IMMP2L: variants seen among roughly 807,000 people sequenced by gnomAD.
IMMP2L encodes mitochondrial inner membrane protease subunit 2.
Under a neutral mutation model 19.3 loss-of-function variants are expected in IMMP2L, and 18 were observed. The ratio of observed to expected loss-of-function variants is 0.93; its 90% confidence interval spans 0.64 to 1.38. The LOEUF (loss-of-function observed/expected upper bound fraction) is 1.38, where lower values mean the gene tolerates loss of function less well. IMMP2L is among the 40% of genes most tolerant of loss of function. The probability of loss-of-function intolerance (pLI) is 0.00; values close to 1 mark genes in which losing one functional copy is unlikely to be tolerated. For missense variants in IMMP2L, 233 were observed against 218.2 expected (o/e 1.07, Z -0.43); for synonymous variants, 76 against 73.0 (o/e 1.04, Z -0.21).
chr7:111,329,203 T>C (rs567962393), intron 3 of IMMP2L, among the ~76,000 whole-genome samples: 2 of 151,762 alleles, frequency 1.3e-5, no homozygotes, highest in African/African-American at 4.8e-5. Flanking sequence ...TCTAGGCAGC[T>C]GAAGCTGTGG....
At chr7:111,471,207 A>G (rs1267874808) in intron 3 of IMMP2L, among the ~76,000 whole-genome samples, 1 of 152,118 alleles carries the variant, frequency 6.6e-6, no homozygotes, top group Non-Finnish European at 1.5e-5. Context: ...CTTCCCAGAA[A>G]TATCTCTTTC....
chr7:111,516,626 C>T (rs965493239), intron 2 of IMMP2L, among the ~76,000 whole-genome samples: 1 of 151,972 alleles, frequency 6.6e-6, no homozygotes, highest in Non-Finnish European at 1.5e-5. Context: ...GAAAAATCCA[C>T]AAAGGGACAT....
intron 5 of IMMP2L, among the ~76,000 whole-genome samples, chr7:110,750,821 T>A (rs915075715): frequency 2.0e-5 from 3 of 151,990 alleles, no homozygotes; most frequent in Admixed American, 1.3e-4. Flanking sequence ...GCACCAAATT[T>A]AAGGAGGCAC....
chr7:111,111,298 G>GT (rs1330160701), intron 3 of IMMP2L, among the ~76,000 whole-genome samples: 2 of 100,762 alleles, frequency 2.0e-5, no homozygotes, highest in South Asian at 3.3e-4. Context: ...GGTAGCAGTT[G>GT]TAAAAAAAAA....
At chr7:110,681,106 G>A (rs1350933157) in intron 5 of IMMP2L, among the ~76,000 whole-genome samples, 2 of 151,784 alleles carry the variant, frequency 1.3e-5, no homozygotes, top group South Asian at 2.1e-4. Flanking sequence ...GTAGGCTGAT[G>A]TGGAAATACT....
chr7:111,106,934 TA>T (rs1167713808), intron 3 of IMMP2L, among the ~76,000 whole-genome samples: 2 of 151,946 alleles, frequency 1.3e-5, no homozygotes, highest in African/African-American at 4.8e-5. Context: ...ATTTGCTTAA[TA>T]GCATTTCTAA....
At chr7:110,681,361 T>G (rs1792703079) in intron 5 of IMMP2L, among the ~76,000 whole-genome samples, 2 of 152,218 alleles carry the variant, frequency 1.3e-5, no homozygotes, top group Middle Eastern at 3.4e-3. Context: ...TACACCTGCT[T>G]TTACCCTAGG....
intron 3 of IMMP2L, among the ~76,000 whole-genome samples, chr7:111,381,473 T>C (rs1039865979): frequency 1.3e-5 from 2 of 151,930 alleles, no homozygotes; most frequent in Non-Finnish European, 2.9e-5. Flanking sequence ...ATACCACCTG[T>C]TTATTTTTAT....
At chr7:111,145,288 G>A (rs1394334185) in intron 3 of IMMP2L, among the ~76,000 whole-genome samples, 1 of 152,100 alleles carries the variant, frequency 6.6e-6, no homozygotes, top group Non-Finnish European at 1.5e-5. Context: ...TGCCTCTGTA[G>A]AGAGGAACCA....
chr7:111,134,006 G>A lies in IMMP2L; in HGVS notation c.240-170441C>T, dbSNP rs150733960. Among the ~76,000 whole-genome samples the A allele has an allele frequency of 3.4e-3, 522 of 152,096 alleles. 3 individuals carry two copies. Among genetic ancestry groups the A allele is most frequent in the African/African-American group, 0.012 (494 of 41,538 alleles). ...ACTGTCTCCCCAAAGGACAAATAAA[G>A]GAAAGAGAGCCTAAGTATTCTGGGT... is the stretch of plus-strand genomic sequence containing the variant. On this transcript the variant is annotated intron_variant, in intron 3 of 5. Transcript: ENST00000405709.
chr7:111,408,511 C>T (rs1834091957), intron 3 of IMMP2L, among the ~76,000 whole-genome samples: 1 of 151,678 alleles, frequency 6.6e-6, no homozygotes, highest in African/African-American at 2.4e-5. Context: ...AAAGATTTTT[C>T]TAGTGCATCA....
At chr7:110,776,030 ACAT>A (rs1346841941) in intron 5 of IMMP2L, among the ~76,000 whole-genome samples, 2 of 152,074 alleles carry the variant, frequency 1.3e-5, no homozygotes, top group Non-Finnish European at 2.9e-5. Flanking sequence ...TATAGTTAAA[ACAT>A]CATACTCCTG....
At chr7:111,112,850 C>T (rs1799402330) in intron 3 of IMMP2L, among the ~76,000 whole-genome samples, 1 of 152,122 alleles carries the variant, frequency 6.6e-6, no homozygotes, top group African/African-American at 2.4e-5. Context: ...ATCAGCTAAC[C>T]CCAGCACACC....
intron 3 of IMMP2L, among the ~76,000 whole-genome samples, chr7:111,259,629 C>T (rs2129715215): frequency 6.8e-6 from 1 of 146,912 alleles, no homozygotes; most frequent in South Asian, 2.3e-4. Context: ...CAAAGTGACC[C>T]TGTCCCTAAA....
intron 4 of IMMP2L, among the ~76,000 whole-genome samples, chr7:110,917,174 C>T (rs780312110): frequency 1.3e-5 from 2 of 152,134 alleles, no homozygotes; most frequent in African/African-American, 2.4e-5. Context: ...CATCCTCAAG[C>T]TCAAGAATGC....
intron 3 of IMMP2L, among the ~76,000 whole-genome samples, chr7:111,112,741 T>C (rs1799387702): frequency 6.6e-6 from 1 of 152,152 alleles, no homozygotes; most frequent in African/African-American, 2.4e-5. Context: ...AATCCCATGC[T>C]TATTATAGGG....
intron 5 of IMMP2L, among the ~76,000 whole-genome samples, chr7:110,784,479 C>A (rs1290486775): frequency 1.3e-5 from 2 of 151,918 alleles, no homozygotes; most frequent in Non-Finnish European, 2.9e-5. Context: ...ATGAACTGGG[C>A]TACTGCCCAA....
chr7:111,211,236 A>C (rs1811276484), intron 3 of IMMP2L, among the ~76,000 whole-genome samples: 1 of 152,210 alleles, frequency 6.6e-6, no homozygotes, highest in Non-Finnish European at 1.5e-5. Flanking sequence ...CCCAAAACAT[A>C]AATTGGATTT....
intron 3 of IMMP2L, among the ~76,000 whole-genome samples, chr7:111,094,868 G>A (rs1381134329): frequency 3.3e-5 from 5 of 151,990 alleles, no homozygotes; most frequent in African/African-American, 9.7e-5. Flanking sequence ...GGGATAAATC[G>A]GAACGTTTTT....
Sources: gnomAD v4.1 joint callset for allele counts (sites outside exome capture counted in the v4.1 genomes callset) on GRCh38, gnomAD v4.1.1 for gene constraint, MANE v1.5 for transcripts, NCBI Gene and HGNC (gene_info 2026-07-23, HGNC 2026-07-21) for gene names.